MGAT5B: variants seen among roughly 807,000 people sequenced by gnomAD.
MGAT5B encodes the protein N-acetylglucosaminyl-transferase Vb.
A neutral mutation model predicts 95.1 loss-of-function variants in MGAT5B; 54 were observed. The observed-to-expected ratio is 0.57, with a 90% CI of 0.46 to 0.71. The LOEUF (loss-of-function observed/expected upper bound fraction) is 0.71, where lower values mean the gene tolerates loss of function less well. Among genes scored for constraint, MGAT5B ranks in the 30% least tolerant of loss-of-function variants. The pLI is 0.00. For synonymous variants in MGAT5B, 464 were observed against 451.0 expected (o/e 1.03, Z -0.36); for missense variants, 935 against 1,088.6 (o/e 0.86, Z 1.99).
intron 4 of MGAT5B, 111 bp downstream of exon 4, chr17:76,902,781 A>C: frequency 1.2e-6 from 1 of 858,680 alleles, no homozygotes; most frequent in Non-Finnish European, 1.8e-6. Context: ...TTCTCCTGAC[A>C]GCAGCTCTGC....
chr17:76,947,490 C>T (rs1282019517), intron 16 of MGAT5B, among the ~76,000 whole-genome samples: 3 of 152,066 alleles, frequency 2.0e-5, no homozygotes, highest in East Asian at 3.9e-4. Flanking sequence ...GGGCAGGGCT[C>T]GTGGGCCCCA....
chr17:76,882,189 A>G lies in MGAT5B; in HGVS notation c.220A>G (p.Met74Val). The G allele has an allele frequency of 6.2e-7, 1 of 1,613,462 alleles. No individual in the cohort carries two copies. Among genetic ancestry groups the G allele is most frequent in the Non-Finnish European group, 8.5e-7 (1 of 1,179,820 alleles). Residue 74 changes from methionine (M) to valine (V), a missense_variant, in exon 3 of 18, where the codon ATG becomes GTG. By Grantham distance (21) the Met-to-Val change is conservative. Coordinates refer to ENST00000569840, the MANE Select transcript of MGAT5B (RefSeq NM_001199172.2). ...CGAGTCCCGCGGCGTCCTGCGCAAGATGAGCGACCTGCTGGAGCTGATGGT... is the reference window on the plus strand; with the variant it reads ...CGAGTCCCGCGGCGTCCTGCGCAAGGTGAGCGACCTGCTGGAGCTGATGGT... ...GPESRGVLRK[M>V]SDLLELMVKR...
rs1026290674 is a variant in MGAT5B at position 76,903,293 on chromosome 17, C to G, written c.446-10C>G. 2.5e-6 allele frequency: 4 copies of G among 1,609,154 alleles called. No homozygotes were observed. The highest frequency in any genetic ancestry group is 2.5e-6 in the Non-Finnish European group (3 of 1,177,604). On this transcript the variant is annotated splice_polypyrimidine_tract_variant and intron_variant, in intron 4 of 17. Coordinates refer to ENST00000569840, the MANE Select transcript of MGAT5B (RefSeq NM_001199172.2). ...ACCAGGGACTTCAGCAAGGTGACCT[C>G]TCCCTACAGTGTCAGAAGGCCGGCG...
At chr17:76,878,070 G>A (rs888317661) in intron 2 of MGAT5B, among the ~76,000 whole-genome samples, 2 of 152,162 alleles carry the variant, frequency 1.3e-5, no homozygotes, top group Admixed American at 6.5e-5. Flanking sequence ...CAAGAGTGGT[G>A]AAGTGACTCT....
In MGAT5B at chr17:76,940,332, C is replaced by CTT; in HGVS notation, c.1585-70_1585-69insTT. On this transcript the variant is annotated intron_variant, in intron 13 of 17. Transcript: ENST00000569840. This position sits in a 1 kb window ranked among gnomAD's most constrained non-coding sequence, Gnocchi z 4.3. ...ATATCCCGAAGCCTCACCTTGTCCC[C>CTT]GGCATCCTGGTGCTTACTGGGCTGT... 1 of 1,485,264 alleles carries CTT rather than the reference C, an allele frequency of 6.7e-7. No homozygotes were observed. Among genetic ancestry groups the CTT allele is most frequent in the Non-Finnish European group, 9.0e-7 (1 of 1,115,840 alleles). 92.0% of individuals were successfully genotyped at this position (1,485,264 alleles called of 1,614,324 possible). A position where few individuals can be genotyped will look rare whatever the true frequency, so the allele number is the denominator to read the frequency against.
At chr17:76,882,882 T>A (rs1009360255) in intron 3 of MGAT5B, among the ~76,000 whole-genome samples, 3 of 151,546 alleles carry the variant, frequency 2.0e-5, no homozygotes, top group African/African-American at 7.3e-5. Context: ...ACCTCGGTAA[T>A]TTTTGTGTTT....
intron 3 of MGAT5B, among the ~76,000 whole-genome samples, chr17:76,895,551 A>G (rs1968036038): frequency 6.6e-6 from 1 of 152,166 alleles, no homozygotes; most frequent in African/African-American, 2.4e-5. Context: ...GTGCTAGGGA[A>G]GGATCTGTTC....
chr17:76,948,166 A>T (rs1599016537), intron 17 of MGAT5B, 80 bp downstream of exon 17: 1 of 1,502,660 alleles, frequency 6.7e-7, no homozygotes, highest in East Asian at 2.3e-5. Context: ...TCATGCCCAG[A>T]ACCGGCCCTC....
rs546835885 is a variant in MGAT5B, at chr17:76,869,173, G to A, written c.68+76G>A. 6.9e-6 allele frequency: 9 copies of A among 1,311,716 alleles called. No individual in the cohort carries two copies. The Admixed American group carries it at 1.4e-4, about 20-fold the overall frequency. The allele number at this position is 1,311,716 out of a possible 1,614,324, so 81.3% of individuals were successfully genotyped here. On this transcript the variant is annotated intron_variant, in intron 1 of 17. Transcript: ENST00000569840. The surrounding 1 kb of genome is among the most constrained non-coding windows in gnomAD (Gnocchi z 7.0). ...GTGGGCGAGGTCGGTTCCTGCGAAC[G>A]TTCAAGTCCTGGTGGCAGAGGGGGC... is the stretch of plus-strand genomic sequence containing the variant.
rs1968868517 is a variant in MGAT5B, at chr17:76,914,779, AG to A, written c.1025+8594del. Among the ~76,000 whole-genome samples, 1 of 152,128 alleles carries A rather than the reference AG, an allele frequency of 6.6e-6. No homozygotes were observed. The highest frequency in any genetic ancestry group is 1.5e-5 in the Non-Finnish European group (1 of 68,022). On this transcript the variant is annotated intron_variant, in intron 8 of 17. Coordinates refer to ENST00000569840, the MANE Select transcript of MGAT5B (RefSeq NM_001199172.2). The surrounding 1 kb of genome is among the most constrained non-coding windows in gnomAD (Gnocchi z 5.1). The stretch of plus-strand genomic sequence containing the variant: ...CAGCCTCCCGAGTAGCTGGGACTAC[AG>A]GAATGTGCCACCATGCCCAGCTAAT...
intron 1 of MGAT5B, chr17:76,872,501 T>G: frequency 1.7e-6 from 1 of 604,200 alleles, no homozygotes; most frequent in Non-Finnish European, 2.8e-6. Context: ...TTCTAAGGAG[T>G]CTCAGGTGAT....
At chr17:76,904,100 C>G (rs1968425544) in intron 5 of MGAT5B, 152 bp from the exon 6 acceptor site, 2 of 769,548 alleles carry the variant, frequency 2.6e-6, no homozygotes, top group African/African-American at 1.8e-5. Flanking sequence ...CTGGTTCAAT[C>G]TCTTCTCTGC....
intron 3 of MGAT5B, among the ~76,000 whole-genome samples, chr17:76,893,328 C>T (rs1967950450): frequency 1.3e-5 from 2 of 152,136 alleles, no homozygotes; most frequent in South Asian, 2.1e-4. Flanking sequence ...TGTGTATGCA[C>T]GTGGATGATG....
intron 3 of MGAT5B, among the ~76,000 whole-genome samples, chr17:76,898,801 T>A (rs1160937381): frequency 6.6e-6 from 1 of 152,220 alleles, no homozygotes; most frequent in Non-Finnish European, 1.5e-5. Context: ...CAGTATACAC[T>A]GCACCCTATG....
At position 76,949,041 on chromosome 17, in the gene MGAT5B, AG is replaced by A; in HGVS notation, c.*205del. Reference sequence around the variant, plus strand: ...GCATGCCGAGCCCCTGGGACCTCCCAGGCAGGCTCCGGTTCTCTCCTGGGGA... The same window carrying A: ...GCATGCCGAGCCCCTGGGACCTCCCAGCAGGCTCCGGTTCTCTCCTGGGGA... On this transcript the variant is annotated 3_prime_UTR_variant, in exon 18 of 18. Transcript: ENST00000569840. The A allele has an allele frequency of 1.6e-6, 1 of 635,188 alleles. No individual in the cohort carries two copies. Among genetic ancestry groups the A allele is most frequent in the Non-Finnish European group, 2.6e-6 (1 of 380,510 alleles). 39.3% of individuals were successfully genotyped at this position (635,188 alleles called of 1,614,324 possible). A position where few individuals can be genotyped will look rare whatever the true frequency, so the allele number is the denominator to read the frequency against.
Position 76,889,524 on chromosome 17 carries a change from C to T in MGAT5B, c.329+7226C>T, listed in dbSNP as rs748448668. Among the ~76,000 whole-genome samples, 10 of 152,160 alleles carry T rather than the reference C, an allele frequency of 6.6e-5. No homozygotes were observed. Among genetic ancestry groups the T allele is most frequent in the Admixed American group, 1.3e-4 (2 of 15,278 alleles). On this transcript the variant is annotated intron_variant, in intron 3 of 17. Coordinates refer to ENST00000569840, the MANE Select transcript of MGAT5B (RefSeq NM_001199172.2). This position sits in a 1 kb window ranked among gnomAD's most constrained non-coding sequence, Gnocchi z 4.4. ...CACTGGGAGAGAGGCGTGTGGTTGGCAGGTCAGGGGCCTCTTTCAGCCAGT... is the reference window on the plus strand; with the variant it reads ...CACTGGGAGAGAGGCGTGTGGTTGGTAGGTCAGGGGCCTCTTTCAGCCAGT...
At position 76,947,853 on chromosome 17, in the gene MGAT5B, T is replaced by A; in HGVS notation, c.1947T>A (p.Pro649=). ...QHQDFCRAPD[P]ALPEAHAPQS... is the part of the protein sequence containing the mutation. ...AGGACTTCTGCAGAGCTCCAGACCC[T>A]GCCCTACCAGAGGCCCACGCCCCGC... is the stretch of plus-strand genomic sequence containing the variant. Residue 649 remains proline, a synonymous_variant, in exon 17 of 18, where the codon CCT becomes CCA. Transcript: ENST00000569840. 1 of 1,587,610 alleles carries A rather than the reference T, an allele frequency of 6.3e-7. No homozygotes were observed. The highest frequency in any genetic ancestry group is 1.1e-5 in the South Asian group (1 of 88,954).
intron 10 of MGAT5B, among the ~76,000 whole-genome samples, chr17:76,929,793 G>A (rs969918433): frequency 6.6e-6 from 1 of 152,142 alleles, no homozygotes; most frequent in East Asian, 1.9e-4. Context: ...CCTTACCCTC[G>A]CTCTGCCCCC....
In MGAT5B at chr17:76,890,961, CT is replaced by C. The variant is rs150133278; in HGVS notation, c.329+8683del. 3.1e-3 allele frequency among the ~76,000 whole-genome samples: 342 copies of C among 111,596 alleles called. 2 individuals are homozygous for C. Among genetic ancestry groups the C allele is most frequent in the African/African-American group, 8.2e-3 (219 of 26,626 alleles). 73.2% of individuals were successfully genotyped at this position (111,596 alleles called of 152,430 possible). A position where few individuals can be genotyped will look rare whatever the true frequency, so the allele number is the denominator to read the frequency against. ...GAGGCTGAGAGAGCTCTCTGGGGGC[CT>C]TTTTTTTTTTTTTTTTTTTGGAGAC... On this transcript the variant is annotated intron_variant, in intron 3 of 17. Transcript: ENST00000569840.
Sources: allele counts gnomAD v4.1 joint callset (sites outside exome capture counted in the v4.1 genomes callset), GRCh38; gene constraint gnomAD v4.1.1; non-coding constraint Gnocchi (gnomAD v3.1); transcripts MANE v1.5; gene names NCBI Gene and HGNC (gene_info 2026-07-23, HGNC 2026-07-21).